SAE1: variants seen among roughly 807,000 people sequenced by gnomAD.
SAE1 encodes the protein SUMO-activating enzyme subunit 1.
SAE1 carries 11 observed loss-of-function variants against 40.6 expected under a neutral mutation model. That is an observed-to-expected ratio of 0.27 (90% CI 0.17 to 0.45). The LOEUF (loss-of-function observed/expected upper bound fraction) is 0.45, where lower values mean the gene tolerates loss of function less well. Among genes scored for constraint, SAE1 ranks in the 20% least tolerant of loss-of-function variants. The pLI, the probability that SAE1 is intolerant of heterozygous loss-of-function variation, is 1.00. For missense variants in SAE1, 373 were observed against 427.3 expected (o/e 0.87, Z 1.12); for synonymous variants, 155 against 154.3 (o/e 1.00, Z -0.03).
chr19:47,205,438 A>G (rs528198144), intron 8 of SAE1, among the ~76,000 whole-genome samples: 2 of 151,980 alleles, frequency 1.3e-5, no homozygotes, highest in South Asian at 4.2e-4. Context: ...TGGAGGGGGA[A>G]GAAAAGTGTG....
At chr19:47,158,339 A>C (rs943098100) in intron 5 of SAE1, among the ~76,000 whole-genome samples, 3 of 152,188 alleles carry the variant, frequency 2.0e-5, no homozygotes, top group Non-Finnish European at 4.4e-5. Flanking sequence ...GGGCTTAGGA[A>C]AATGCCTAGC....
Position 47,204,187 on chromosome 19 carries a change from C to CTTT in SAE1, c.948+473_948+475dup, listed in dbSNP as rs57736880. On this transcript the variant is annotated intron_variant, in intron 8 of 8. Coordinates refer to ENST00000270225, the MANE Select transcript of SAE1 (RefSeq NM_005500.3). ...CATCACCATGACATCAAAGCCCTCCCTTTTTTTTTTTTTTTTTTTTTTTTT... is the reference window on the plus strand; with the variant it reads ...CATCACCATGACATCAAAGCCCTCCCTTTTTTTTTTTTTTTTTTTTTTTTTTTT... Among the ~76,000 whole-genome samples the CTTT allele has an allele frequency of 7.2e-4, 59 of 82,130 alleles. 6 individuals are homozygous for CTTT. Among genetic ancestry groups the CTTT allele is most frequent in the South Asian group, 3.1e-3 (5 of 1,620 alleles). The allele number at this position is 82,130 out of a possible 152,430, so 53.9% of individuals were successfully genotyped here. A position where few individuals can be genotyped will look rare whatever the true frequency, so the allele number is the denominator to read the frequency against.
At chr19:47,201,846 TG>T (rs1222295062) in intron 7 of SAE1, among the ~76,000 whole-genome samples, 1 of 152,146 alleles carries the variant, frequency 6.6e-6, no homozygotes, top group African/African-American at 2.4e-5. Flanking sequence ...TAGGTCAAGC[TG>T]GTCTTGAACT....
At chr19:47,163,251 CAAA>C (rs78034057) in intron 5 of SAE1, among the ~76,000 whole-genome samples, 1 of 111,130 alleles carries the variant, frequency 9.0e-6, no homozygotes, top group East Asian at 2.5e-4. Flanking sequence ...GGAGTACATC[CAAA>C]AAAAAAAAAA....
intron 6 of SAE1, among the ~76,000 whole-genome samples, chr19:47,176,442 A>G (rs187278765): frequency 1.3e-3 from 195 of 152,336 alleles, no homozygotes; most frequent in Non-Finnish European, 2.4e-3. Flanking sequence ...TTGTTTCACT[A>G]TTGCCTAATG....
At chr19:47,169,455 A>G (rs1447853829) in intron 5 of SAE1, among the ~76,000 whole-genome samples, 1 of 152,174 alleles carries the variant, frequency 6.6e-6, no homozygotes, top group African/African-American at 2.4e-5. Flanking sequence ...CATGTTGGCC[A>G]GGCTGGTCTC....
chr19:47,203,840 C>T, intron 8 of SAE1, 100 bp downstream of exon 8: 2 of 1,046,426 alleles, frequency 1.9e-6, no homozygotes, highest in Non-Finnish European at 2.9e-6. Flanking sequence ...TGCTTTCTCT[C>T]ACCCCATTCA....
intron 5 of SAE1, among the ~76,000 whole-genome samples, chr19:47,158,615 C>T (rs76161073): frequency 2.1e-3 from 321 of 152,288 alleles, no homozygotes; most frequent in African/African-American, 7.4e-3. Context: ...TAGGATAAAC[C>T]GAAAGACGGA....
intron 5 of SAE1, among the ~76,000 whole-genome samples, chr19:47,167,365 G>T (rs1483042353): frequency 1.3e-5 from 2 of 151,198 alleles, no homozygotes; most frequent in African/African-American, 2.4e-5. Flanking sequence ...TCAGCCTCCC[G>T]AGTAGCTGGG....
At chr19:47,173,769 T>C (rs1216980017) in intron 6 of SAE1, among the ~76,000 whole-genome samples, 1 of 151,622 alleles carries the variant, frequency 6.6e-6, no homozygotes, top group Non-Finnish European at 1.5e-5. Flanking sequence ...AGTTGACTCC[T>C]TTCTTTTCTT....
intron 6 of SAE1, among the ~76,000 whole-genome samples, chr19:47,170,868 G>T (rs1028234368): frequency 2.0e-5 from 3 of 152,130 alleles, no homozygotes; most frequent in Non-Finnish European, 2.9e-5. Context: ...AGGTGGGGTT[G>T]TTTTTCCTCT....
Position 47,143,554 on chromosome 19 carries a change from G to A in SAE1, c.159G>A (p.Lys53=). ...GLKGLGAEIA[K]NLILAGVKGL... Reference sequence around the variant, plus strand: ...AAGGACTTGGGGCTGAAATTGCCAAGAATCTCATCTTGGCAGGAGTGAAAG... The same window carrying A: ...AAGGACTTGGGGCTGAAATTGCCAAAAATCTCATCTTGGCAGGAGTGAAAG... Residue 53 remains lysine (K), a synonymous_variant, in exon 2 of 9, where the codon AAG becomes AAA. Coordinates refer to ENST00000270225, the MANE Select transcript of SAE1 (RefSeq NM_005500.3). 6.2e-7 allele frequency: 1 copy of A among 1,614,140 alleles called. No individual in the cohort carries two copies. Among genetic ancestry groups the A allele is most frequent in the Non-Finnish European group, 8.5e-7 (1 of 1,180,032 alleles).
At position 47,192,217 on chromosome 19, in the gene SAE1, A is replaced by G. The variant is rs1028306392; in HGVS notation, c.734-5016A>G. Among the ~76,000 whole-genome samples, 3 of 151,996 alleles carry G rather than the reference A, an allele frequency of 2.0e-5. No individual in the cohort carries two copies. In the South Asian group the frequency reaches 6.2e-4, roughly 32 times the overall value. On this transcript the variant is annotated intron_variant, in intron 6 of 8. Transcript: ENST00000270225. ...ATAACCTGGTGAGCGGGTAATTATT[A>G]TCACCCTTCCTACTGGTTTGTTGTT...
At chr19:47,177,314 A>G (rs1296336610) in intron 6 of SAE1, among the ~76,000 whole-genome samples, 1 of 152,234 alleles carries the variant, frequency 6.6e-6, no homozygotes, top group Non-Finnish European at 1.5e-5. Context: ...GGACAGCTAT[A>G]ACAGAGGGCT....
rs577463993 is a variant in SAE1 at position 47,167,025 on chromosome 19, C to G, written c.628-2793C>G. ...GGAGTGTAGTGGTGTGACCTTGGCT[C>G]GCTGCAACCTCCACCTCCTGGGTCC... On this transcript the variant is annotated intron_variant, in intron 5 of 8. Transcript: ENST00000270225. 2.5e-3 allele frequency among the ~76,000 whole-genome samples: 387 copies of G among 151,952 alleles called. 3 individuals carry two copies. The highest frequency in any genetic ancestry group is 6.8e-3 in the Middle Eastern group (2 of 294).
chr19:47,154,350 C>G (rs1282484094), intron 4 of SAE1, among the ~76,000 whole-genome samples: 6 of 151,822 alleles, frequency 4.0e-5, no homozygotes, highest in Non-Finnish European at 8.8e-5. Flanking sequence ...CTCAGCTTCA[C>G]AAAGTACTAG....
At chr19:47,154,510 T>C (rs1015706897) in intron 4 of SAE1, among the ~76,000 whole-genome samples, 14 of 122,566 alleles carry the variant, frequency 1.1e-4, no homozygotes, top group Admixed American at 4.5e-4. Flanking sequence ...TTTTTTTTTT[T>C]CTGAGACAGA....
rs1340813948 is a variant in SAE1 at position 47,169,902 on chromosome 19, T to A, written c.712T>A (p.Ser238Thr). Reference protein sequence around the residue: ...KAKAALKRTTSDYFLLQVLLK... With the variant: ...KAKAALKRTTTDYFLLQVLLK... ...AAAGGCTGCTCTGAAGCGCACGACC[T>A]CCGACTACTTTCTCCTTCAAGGTGA... Residue 238 changes from serine to threonine, a missense_variant, in exon 6 of 9, where the codon TCC (serine) becomes ACC (threonine). By Grantham distance (58) the Ser-to-Thr change is moderately conservative. Coordinates refer to ENST00000270225, the MANE Select transcript of SAE1 (RefSeq NM_005500.3). 1 of 1,613,820 alleles carries A rather than the reference T, an allele frequency of 6.2e-7. No individual in the cohort carries two copies. Among genetic ancestry groups the A allele is most frequent in the Admixed American group, 1.7e-5 (1 of 60,020 alleles).
chr19:47,130,958 G>A lies in SAE1; in HGVS notation c.28G>A (p.Gly10Ser), dbSNP rs1317043378. ...GGTGGAGAAGGAGGAGGCTGGCGGC[G>A]GCATTAGCGAGGAGGAGGCGGCACA... MVEKEEAGG[G>S]ISEEEAAQYD... The change falls in exon 1 of 9, where the codon GGC becomes AGC. Residue 10 changes from glycine (G) to serine (S), a missense_variant. By Grantham distance (56) the Gly-to-Ser change is moderately conservative. Around this residue, in one of 3 missense-constraint regions of SAE1, gnomAD observed 18 missense variants for 18.0 expected, o/e 1.00. Coordinates refer to ENST00000270225, the MANE Select transcript of SAE1 (RefSeq NM_005500.3). 2 of 1,550,006 alleles carry A rather than the reference G, an allele frequency of 1.3e-6. No individual in the cohort carries two copies. Among genetic ancestry groups the A allele is most frequent in the South Asian group, 1.2e-5 (1 of 83,966 alleles).
Sources: allele counts gnomAD v4.1 joint callset (sites outside exome capture counted in the v4.1 genomes callset), GRCh38; gene constraint gnomAD v4.1.1; regional missense constraint gnomAD v4.1.1; transcripts MANE v1.5; gene names NCBI Gene and HGNC (gene_info 2026-07-23, HGNC 2026-07-21).